Variants in CCDC14 observed in about 807,000 individuals in gnomAD.
CCDC14 encodes the protein coiled-coil domain containing 14, also known as coiled-coil domain-containing protein 14.
CCDC14 carries 71 observed loss-of-function variants against 81.4 expected under a neutral mutation model. The ratio of observed to expected loss-of-function variants is 0.87; its 90% CI spans 0.72 to 1.06. The LOEUF (loss-of-function observed/expected upper bound fraction) is 1.06, where lower values mean the gene tolerates loss of function less well. Ranked by LOEUF, CCDC14 falls within the 50% of genes least tolerant of loss-of-function variation. CCDC14 has a pLI of 0.00. For missense variants in CCDC14, 1,046 were observed against 1,047.3 expected (o/e 1.00, Z 0.02); for synonymous variants, 332 against 364.8 (o/e 0.91, Z 1.03).
intron 12 of CCDC14, among the ~76,000 whole-genome samples, chr3:123,930,532 A>C (rs1186299155): frequency 6.6e-6 from 1 of 152,186 alleles, no homozygotes; most frequent in East Asian, 1.9e-4. Flanking sequence ...GAGTGAGGTA[A>C]TTTTATTTTA....
intron 12 of CCDC14, among the ~76,000 whole-genome samples, chr3:123,920,530 C>T (rs2034981212): frequency 6.6e-6 from 1 of 152,134 alleles, no homozygotes; most frequent in African/African-American, 2.4e-5. Flanking sequence ...ACTAGGGAGC[C>T]TCAATATGGC....
intron 8 of CCDC14, among the ~76,000 whole-genome samples, chr3:123,946,083 T>C (rs2148916382): frequency 6.6e-6 from 1 of 152,122 alleles, no homozygotes; most frequent in East Asian, 1.9e-4. Context: ...GCAATTTTAA[T>C]ATACTAAATC....
rs144068798 is a variant in CCDC14 at position 123,904,605 on chromosome 3, T to C, written c.668-6992A>G. Among the ~76,000 whole-genome samples the C allele has an allele frequency of 4.6e-3, 583 of 126,654 alleles. 14 individuals carry two copies. The South Asian group carries it at 0.082, about 18-fold the overall frequency. The allele number at this position is 126,654 out of a possible 152,430, so 83.1% of individuals were successfully genotyped here. On this transcript the variant is annotated intron_variant, in intron 5 of 5. Transcript: ENST00000479903. ...TGATTAGGAACAAACTAAAGGTCTTTTCATTGTGGAAAAAAAGAAAAAAAA... is the reference window on the plus strand; with the variant it reads ...TGATTAGGAACAAACTAAAGGTCTTCTCATTGTGGAAAAAAAGAAAAAAAA...
intron 9 of CCDC14, among the ~76,000 whole-genome samples, chr3:123,942,866 C>A (rs1280707131): frequency 6.6e-6 from 1 of 151,992 alleles, no homozygotes; most frequent in Non-Finnish European, 1.5e-5. Context: ...CCCTGTTCTA[C>A]ATCTTTCCTA....
chr3:123,905,309 C>A (rs1490174022), intron 5 of CCDC14, among the ~76,000 whole-genome samples: 2 of 152,218 alleles, frequency 1.3e-5, no homozygotes, highest in African/African-American at 4.8e-5. Flanking sequence ...TGGGGGACAT[C>A]ATTCTCCCTT....
At chr3:123,888,048 T>C in the CCDC14 span, among the ~76,000 whole-genome samples, 2 of 152,122 alleles carry the variant, frequency 1.3e-5, no homozygotes, top group African/African-American at 4.8e-5. Flanking sequence ...CTCAAATGCT[T>C]TTTAAAATGT....
chr3:123,896,529 T>A (rs1313734068), downstream of CCDC14, among the ~76,000 whole-genome samples: 1 of 152,088 alleles, frequency 6.6e-6, no homozygotes, highest in African/African-American at 2.4e-5. Flanking sequence ...TTATGTTACA[T>A]GAAATAAGCC....
In CCDC14 at chr3:123,913,554, G is replaced by C; in HGVS notation, c.*1225C>G. ...AAATTAAAGATGCTAATGGACTCTTGTGTGAAATAGTTTAGAATTCACTTA... is the reference window on the plus strand; with the variant it reads ...AAATTAAAGATGCTAATGGACTCTTCTGTGAAATAGTTTAGAATTCACTTA... On this transcript the variant is annotated 3_prime_UTR_variant, in exon 13 of 13. Coordinates refer to ENST00000409697, the MANE Select transcript of CCDC14 (RefSeq NM_001366335.1). The C allele has an allele frequency of 2.0e-6, 2 of 979,968 alleles. No homozygotes were observed. Among genetic ancestry groups the C allele is most frequent in the Non-Finnish European group, 2.4e-6 (2 of 825,436 alleles). The allele number at this position is 979,968 out of a possible 1,614,324, so 60.7% of individuals were successfully genotyped here.
intron 9 of CCDC14, among the ~76,000 whole-genome samples, chr3:123,943,604 C>T (rs1351218308): frequency 2.0e-5 from 3 of 152,168 alleles, no homozygotes; most frequent in Admixed American, 6.5e-5. Flanking sequence ...AGAGGTCAAA[C>T]AGAATTTGAA....
chr3:123,948,526 C>T (rs2036798924), intron 7 of CCDC14, among the ~76,000 whole-genome samples, 165 bp downstream of exon 7: 1 of 152,282 alleles, frequency 6.6e-6, no homozygotes. Flanking sequence ...AGGCGTTTAG[C>T]CACGGCGCTC....
chr3:123,888,622 C>T, the CCDC14 span, among the ~76,000 whole-genome samples: 14 of 152,180 alleles, frequency 9.2e-5, no homozygotes, highest in African/African-American at 3.1e-4. Context: ...TAGGGAGCCT[C>T]AGGAAACTTA....
At chr3:123,952,652 T>C (rs571749766) in intron 5 of CCDC14, 4 of 525,704 alleles carry the variant, frequency 7.6e-6, no homozygotes, top group African/African-American at 1.9e-5. Context: ...TCATCCCAGA[T>C]AGAAAGTACA....
Position 123,913,738 on chromosome 3 carries a change from C to CT in CCDC14, c.*1040dup. ...GAGGTTCTGGGATTAGGAGAACACTCTTTAATGATAAAGCCTGTCCAAGTA... is the reference window on the plus strand; with the variant it reads ...GAGGTTCTGGGATTAGGAGAACACTCTTTTAATGATAAAGCCTGTCCAAGTA... On this transcript the variant is annotated 3_prime_UTR_variant, in exon 13 of 13. Coordinates refer to ENST00000409697, the MANE Select transcript of CCDC14 (RefSeq NM_001366335.1). 1.0e-6 allele frequency: 1 copy of CT among 983,830 alleles called. No homozygotes were observed. Among genetic ancestry groups the CT allele is most frequent in the East Asian group, 1.1e-4 (1 of 8,766 alleles). 60.9% of individuals were successfully genotyped at this position (983,830 alleles called of 1,614,324 possible).
chr3:123,914,488 C>G lies in CCDC14; in HGVS notation c.*291G>C, dbSNP rs72962755. ...ATTTCAACCTGTACCCTTAATCCAG[C>G]AGATACATCTTAATAAAAGAACTCT... is the stretch of plus-strand genomic sequence containing the variant. On this transcript the variant is annotated 3_prime_UTR_variant, in exon 13 of 13. Coordinates refer to ENST00000409697, the MANE Select transcript of CCDC14 (RefSeq NM_001366335.1). 2.1e-3 allele frequency: 2,122 copies of G among 1,032,336 alleles called. 26 individuals are homozygous for G. The African/African-American group carries it at 0.03, about 14-fold the overall frequency. 63.9% of individuals were successfully genotyped at this position (1,032,336 alleles called of 1,614,324 possible).
At position 123,947,065 on chromosome 3, in the gene CCDC14, A is replaced by C; in HGVS notation, c.939T>G (p.His313Gln). ...IQTYLSLFRS[H>Q]GKETHLDSQT... ...GACTGTCCAGATGCGTTTCTTTTCC[A>C]TGAGATCGAAAAAGAGACAAATATG... The change falls in exon 8 of 13, where the codon CAT (histidine) becomes CAG (glutamine). Residue 313 changes from histidine to glutamine, a missense_variant. By Grantham distance (24) the His-to-Gln change is conservative. Coordinates refer to ENST00000409697, the MANE Select transcript of CCDC14 (RefSeq NM_001366335.1). 1.2e-6 allele frequency: 2 copies of C among 1,613,956 alleles called. No individual in the cohort carries two copies. Among genetic ancestry groups the C allele is most frequent in the Non-Finnish European group, 1.7e-6 (2 of 1,179,864 alleles).
At chr3:123,939,663 A>G (rs147191239) in intron 9 of CCDC14, among the ~76,000 whole-genome samples, 123 of 150,802 alleles carry the variant, frequency 8.2e-4, no homozygotes, top group African/African-American at 2.8e-3. Context: ...TTCTTTTTCT[A>G]TTTTGCCTTG....
chr3:123,901,029 C>T (rs922236284), intron 5 of CCDC14, among the ~76,000 whole-genome samples: 6 of 151,832 alleles, frequency 4.0e-5, no homozygotes, highest in Admixed American at 6.6e-5. Flanking sequence ...GTCAGGAGAT[C>T]GAGACCATCC....
intron 6 of CCDC14, 24 bp downstream of exon 6, chr3:123,948,872 T>G (rs764339650): frequency 6.2e-7 from 1 of 1,600,052 alleles, no homozygotes; most frequent in South Asian, 1.1e-5. Context: ...ACACTCACGA[T>G]TTTTAAACAG....
At chr3:123,918,058 A>G (rs892628350) in intron 12 of CCDC14, among the ~76,000 whole-genome samples, 12 of 152,214 alleles carry the variant, frequency 7.9e-5, no homozygotes, top group African/African-American at 2.7e-4. Flanking sequence ...ACATAAGGTT[A>G]TATTAAGAAA....
Sources: allele counts gnomAD v4.1 joint callset (sites outside exome capture counted in the v4.1 genomes callset), GRCh38; gene constraint gnomAD v4.1.1; transcripts MANE v1.5; gene names NCBI Gene and HGNC (gene_info 2026-07-23, HGNC 2026-07-21).